NRXN1: variants seen among roughly 807,000 people sequenced by gnomAD.
The protein encoded by NRXN1 is neurexin 1, also known as neurexin-1.
In NRXN1, 39 loss-of-function variants were observed where a neutral mutation model predicts 150.9. That is an observed-to-expected ratio of 0.26 (90% CI 0.20 to 0.34). The LOEUF is 0.34. Among genes scored for constraint, NRXN1 ranks in the 10% least tolerant of loss-of-function variants. The pLI is 1.00. For missense variants in NRXN1, 1,815 were observed against 1,949.9 expected (o/e 0.93, Z 1.30); for synonymous variants, 924 against 757.0 (o/e 1.22, Z -3.62).
intron 15 of NRXN1, among the ~76,000 whole-genome samples, chr2:50,490,023 T>C (rs1347410953): frequency 2.0e-5 from 3 of 152,140 alleles, no homozygotes; most frequent in Non-Finnish European, 4.4e-5. Context: ...ATTCAATGGA[T>C]GTGGCAGAAG....
Position 50,894,503 on chromosome 2 carries a change from G to A in NRXN1, c.832+27366C>T, listed in dbSNP as rs374901021. On this transcript the variant is annotated intron_variant, in intron 5 of 22. Coordinates refer to ENST00000401669, the MANE Select transcript of NRXN1 (RefSeq NM_001330078.2). ...ATTTTCCCCATGTTTTTCCATAAAC[G>A]CAGAACACTTAATTAATATATTCTA... Among the ~76,000 whole-genome samples the A allele has an allele frequency of 4.9e-4, 74 of 151,766 alleles. No homozygotes were observed. The East Asian group carries it at 9.9e-3, about 20-fold the overall frequency.
At chr2:50,036,477 C>G (rs1690054612) in intron 21 of NRXN1, among the ~76,000 whole-genome samples, 1 of 152,108 alleles carries the variant, frequency 6.6e-6, no homozygotes, top group South Asian at 2.1e-4. Flanking sequence ...ATTGTTATCC[C>G]AAATTTGTTC....
chr2:50,775,261 G>T (rs1574432751), intron 5 of NRXN1, among the ~76,000 whole-genome samples: 1 of 152,098 alleles, frequency 6.6e-6, no homozygotes, highest in African/African-American at 2.4e-5. Context: ...GTAGCAGACA[G>T]AATTGTTCTC....
chr2:50,163,699 T>A (rs1350962171), intron 18 of NRXN1, among the ~76,000 whole-genome samples: 1 of 152,208 alleles, frequency 6.6e-6, no homozygotes, highest in East Asian at 1.9e-4. Flanking sequence ...TTATTCTGAA[T>A]GTTTAAAAGT....
At chr2:50,331,152 A>G (rs763509273) in intron 17 of NRXN1, among the ~76,000 whole-genome samples, 7 of 152,168 alleles carry the variant, frequency 4.6e-5, no homozygotes, top group Non-Finnish European at 8.8e-5. Flanking sequence ...TAAAATTGGA[A>G]AAGACATTAT....
At chr2:50,876,508 C>A (rs1047888910) in intron 5 of NRXN1, among the ~76,000 whole-genome samples, 14 of 151,716 alleles carry the variant, frequency 9.2e-5, no homozygotes, top group Admixed American at 8.6e-4. Context: ...AAGCCCAGGG[C>A]CTGATGTAAA....
At chr2:50,748,794 T>C (rs968163091) in intron 5 of NRXN1, among the ~76,000 whole-genome samples, 5 of 152,072 alleles carry the variant, frequency 3.3e-5, no homozygotes, top group Admixed American at 6.6e-5. Context: ...ACTGCTTGAG[T>C]CAAGAGACCC....
intron 2 of NRXN1, among the ~76,000 whole-genome samples, chr2:50,932,116 G>A (rs1056663988): frequency 1.1e-4 from 16 of 152,060 alleles, no homozygotes; most frequent in Non-Finnish European, 7.4e-5. Flanking sequence ...GGCTGAGCAC[G>A]GTGGTTCACA....
At chr2:50,265,267 T>C (rs2068720116) in intron 17 of NRXN1, among the ~76,000 whole-genome samples, 1 of 152,122 alleles carries the variant, frequency 6.6e-6, no homozygotes, top group African/African-American at 2.4e-5. Context: ...AAATGTGTAC[T>C]CTGATCTGAT....
intron 12 of NRXN1, among the ~76,000 whole-genome samples, chr2:50,507,400 T>C (rs958214668): frequency 2.0e-5 from 3 of 149,558 alleles, no homozygotes; most frequent in African/African-American, 7.4e-5. Context: ...GCACAGCCAA[T>C]AAAGGGCCAA....
At chr2:50,419,604 A>G (rs1225182591) in intron 17 of NRXN1, among the ~76,000 whole-genome samples, 4 of 152,028 alleles carry the variant, frequency 2.6e-5, no homozygotes, top group African/African-American at 9.7e-5. Context: ...TAAGGAAGAA[A>G]ATGAGAAGGA....
intron 5 of NRXN1, among the ~76,000 whole-genome samples, chr2:50,906,783 T>C (rs965543943): frequency 7.9e-5 from 12 of 152,062 alleles, no homozygotes; most frequent in African/African-American, 2.4e-4. Flanking sequence ...TAGACAAATA[T>C]AATGGCACCA....
In NRXN1 at chr2:50,068,375, A is replaced by G. The variant is rs191376852; in HGVS notation, c.3719-13331T>C. 1.0e-3 allele frequency among the ~76,000 whole-genome samples: 131 copies of G among 131,480 alleles called. 2 individuals carry two copies. The East Asian group carries it at 0.016, about 16-fold the overall frequency. The allele number at this position is 131,480 out of a possible 152,430, so 86.3% of individuals were successfully genotyped here. A position where few individuals can be genotyped will look rare whatever the true frequency, so the allele number is the denominator to read the frequency against. ...GATAAATTGAATACTATGGATATGA[A>G]TTTAAATTCCTAAAATAACTTTCCC... On this transcript the variant is annotated intron_variant, in intron 19 of 22. Coordinates refer to ENST00000401669, the MANE Select transcript of NRXN1 (RefSeq NM_001330078.2).
At chr2:50,956,521 G>A (rs568161518) in intron 2 of NRXN1, among the ~76,000 whole-genome samples, 2 of 152,032 alleles carry the variant, frequency 1.3e-5, no homozygotes, top group East Asian at 1.9e-4. Context: ...GCCAAGGTGG[G>A]CAAACTGCTT....
chr2:50,221,728 A>G (rs560635403), intron 18 of NRXN1, among the ~76,000 whole-genome samples: 10 of 152,088 alleles, frequency 6.6e-5, no homozygotes, highest in African/African-American at 2.4e-4. Flanking sequence ...TTTTTCCACT[A>G]CTGAACATCT....
intron 21 of NRXN1, among the ~76,000 whole-genome samples, chr2:49,985,935 C>T (rs964209768): frequency 2.6e-5 from 4 of 152,180 alleles, no homozygotes; most frequent in East Asian, 1.9e-4. Flanking sequence ...GGTACAGAAT[C>T]ACTTCATGGT....
At chr2:50,135,368 AATT>A (rs1479380003) in intron 18 of NRXN1, among the ~76,000 whole-genome samples, 1 of 152,214 alleles carries the variant, frequency 6.6e-6, no homozygotes, top group Non-Finnish European at 1.5e-5. Context: ...TCAGAAAAAC[AATT>A]ATTAAGTCTT....
chr2:50,035,731 C>T lies in NRXN1; in HGVS notation c.4128+17540G>A, dbSNP rs183400527. Among the ~76,000 whole-genome samples, 6 of 152,084 alleles carry T rather than the reference C, an allele frequency of 3.9e-5. No homozygotes were observed. The East Asian group carries it at 1.2e-3, about 29-fold the overall frequency. On this transcript the variant is annotated intron_variant, in intron 21 of 22. Coordinates refer to ENST00000401669, the MANE Select transcript of NRXN1 (RefSeq NM_001330078.2). ...CACAGACACAGTGGGTATCACAAGC[C>T]CTTTTAATCAAGACAGAAATATGCA...
At chr2:50,083,964 T>C (rs1224288058) in intron 19 of NRXN1, among the ~76,000 whole-genome samples, 1 of 152,028 alleles carries the variant, frequency 6.6e-6, no homozygotes, top group Non-Finnish European at 1.5e-5. Context: ...AACCTTGAGC[T>C]AGATAGAGTG....
Sources: gnomAD v4.1 joint callset for allele counts (sites outside exome capture counted in the v4.1 genomes callset) on GRCh38, gnomAD v4.1.1 for gene constraint, MANE v1.5 for transcripts, NCBI Gene and HGNC (gene_info 2026-07-23, HGNC 2026-07-21) for gene names.